CYTH3: variants seen among roughly 807,000 people sequenced by gnomAD.
The protein encoded by CYTH3 is cytohesin-3.
Under a neutral mutation model 55.1 loss-of-function variants are expected in CYTH3, and 23 were observed. The observed-to-expected ratio is 0.42, with a 90% CI of 0.30 to 0.59. The LOEUF is 0.59. Ranked by LOEUF, CYTH3 falls within the 20% of genes least tolerant of loss-of-function variation. The probability of loss-of-function intolerance (pLI) is 0.20; values close to 1 mark genes in which losing one functional copy is unlikely to be tolerated. For synonymous variants in CYTH3, 249 were observed against 194.9 expected, an observed-to-expected ratio of 1.28 and a Z score of -2.31; for missense variants, 413 against 524.8, an observed-to-expected ratio of 0.79 and a Z score of 2.08.
chr7:6,261,669 G>A (rs1313293925), intron 1 of CYTH3, among the ~76,000 whole-genome samples: 3 of 124,884 alleles, frequency 2.4e-5, no homozygotes, highest in Admixed American at 1.0e-4. Flanking sequence ...CAGCTTAGGC[G>A]ACAGAGTGAG....
chr7:6,238,907 A>G (rs1779598308), intron 1 of CYTH3, among the ~76,000 whole-genome samples: 1 of 152,100 alleles, frequency 6.6e-6, no homozygotes, highest in Non-Finnish European at 1.5e-5. Flanking sequence ...ACTCCAGGTT[A>G]AAAATAATAA....
chr7:6,268,753 A>G (rs1780574355), intron 1 of CYTH3, among the ~76,000 whole-genome samples: 1 of 152,248 alleles, frequency 6.6e-6, no homozygotes, highest in Non-Finnish European at 1.5e-5. Context: ...AAGCACCTGT[A>G]TCTATCAGGG....
intron 1 of CYTH3, among the ~76,000 whole-genome samples, chr7:6,247,351 T>C (rs1312081234): frequency 6.6e-6 from 1 of 152,204 alleles, no homozygotes; most frequent in Admixed American, 6.5e-5. Flanking sequence ...GGTACTCTCT[T>C]GCTCTTTCTT....
intron 1 of CYTH3, among the ~76,000 whole-genome samples, chr7:6,204,606 C>T (rs1355529655): frequency 6.6e-6 from 1 of 152,100 alleles, no homozygotes; most frequent in Non-Finnish European, 1.5e-5. Context: ...TTCTGTGGAC[C>T]CCATCACGGC....
chr7:6,198,401 TC>T (rs749606282), intron 1 of CYTH3, among the ~76,000 whole-genome samples: 4 of 148,754 alleles, frequency 2.7e-5, no homozygotes, highest in Non-Finnish European at 6.0e-5. Flanking sequence ...TCCCTCTGCA[TC>T]CAAAATAACT....
intron 1 of CYTH3, among the ~76,000 whole-genome samples, chr7:6,254,150 C>T (rs1242618803): frequency 6.6e-6 from 1 of 152,066 alleles, no homozygotes; most frequent in Non-Finnish European, 1.5e-5. Context: ...CACCACTGCA[C>T]TCCAGCCCTG....
intron 4 of CYTH3, among the ~76,000 whole-genome samples, chr7:6,185,532 T>TAA (rs368709212): frequency 1.3e-5 from 2 of 150,288 alleles, no homozygotes; most frequent in African/African-American, 4.9e-5. Context: ...CCGTCTCTAC[T>TAA]AAAAAAAAAT....
At chr7:6,250,452 C>A (rs1396995592) in intron 1 of CYTH3, among the ~76,000 whole-genome samples, 1 of 152,172 alleles carries the variant, frequency 6.6e-6, no homozygotes, top group Non-Finnish European at 1.5e-5. Flanking sequence ...TGACCACTCC[C>A]AACACTAAAA....
rs533947152 is a variant in CYTH3, at chr7:6,190,592, T to C, written c.35-61A>G. ...AACACATTGGCAACATCCAGCAAGG[T>C]TGAGGTGGGTACATGCTGCCACCCA... On this transcript the variant is annotated intron_variant, in intron 1 of 12. Transcript: ENST00000350796. 24 of 1,342,030 alleles carry C rather than the reference T, an allele frequency of 1.8e-5. No homozygotes were observed. In the African/African-American group the frequency reaches 2.4e-4, roughly 13 times the overall value. 83.1% of individuals were successfully genotyped at this position (1,342,030 alleles called of 1,614,324 possible).
At chr7:6,209,957 G>T (rs1014588103) in intron 1 of CYTH3, among the ~76,000 whole-genome samples, 1 of 152,174 alleles carries the variant, frequency 6.6e-6, no homozygotes, top group African/African-American at 2.4e-5. Flanking sequence ...GGTTCAGGGG[G>T]ACACGGACAG....
chr7:6,190,361 TACATTTTTGTGAGGCTACTCTTTTAC>T, intron 2 of CYTH3, 62 bp downstream of exon 2: 4 of 955,430 alleles, frequency 4.2e-6, no homozygotes, highest in South Asian at 2.1e-5. Context: ...TTTTTTTTTT[TACATTTTTGTGAGGCTACTCTTTTAC>T]TATTTTACTC....
chr7:6,259,693 T>G (rs556494571), intron 1 of CYTH3, among the ~76,000 whole-genome samples: 35 of 125,464 alleles, frequency 2.8e-4, no homozygotes, highest in Non-Finnish European at 4.6e-4. Flanking sequence ...CTCATTTAAA[T>G]GATTTACTAT....
intron 4 of CYTH3, 126 bp downstream of exon 4, chr7:6,186,923 CT>C: frequency 1.1e-6 from 1 of 942,256 alleles, no homozygotes. Flanking sequence ...AAAAATGTGC[CT>C]TCAACTCCCA....
chr7:6,187,616 A>G (rs1783687972), intron 3 of CYTH3, 41 bp downstream of exon 3: 1 of 1,558,142 alleles, frequency 6.4e-7, no homozygotes, highest in Admixed American at 1.7e-5. Flanking sequence ...AGGTAGAAAG[A>G]AAAGAGTAAA....
At chr7:6,203,844 G>A (rs113232726) in intron 1 of CYTH3, among the ~76,000 whole-genome samples, 3 of 151,378 alleles carry the variant, frequency 2.0e-5, no homozygotes, top group African/African-American at 4.9e-5. Context: ...TCAGCCTCCC[G>A]AGTAGCTGGG....
At chr7:6,200,368 T>TG (rs1476659872) in intron 1 of CYTH3, among the ~76,000 whole-genome samples, 1 of 152,148 alleles carries the variant, frequency 6.6e-6, no homozygotes, top group African/African-American at 2.4e-5. Context: ...TGGAGAAAGA[T>TG]GGAGTTTCAC....
chr7:6,165,860 G>T, intron 9 of CYTH3, 50 bp from the exon 10 acceptor site: 1 of 1,584,130 alleles, frequency 6.3e-7, no homozygotes, highest in East Asian at 2.2e-5. Flanking sequence ...CAGGGAGCCC[G>T]CGGGTCCAAG....
At chr7:6,213,410 C>A (rs1784363231) in intron 1 of CYTH3, among the ~76,000 whole-genome samples, 1 of 152,148 alleles carries the variant, frequency 6.6e-6, no homozygotes, top group Non-Finnish European at 1.5e-5. Context: ...AAGATTTCCA[C>A]AATTTTGTGT....
At position 6,243,217 on chromosome 7, in the gene CYTH3, C is replaced by T. The variant is rs542276819; in HGVS notation, c.34+29257G>A. On this transcript the variant is annotated intron_variant, in intron 1 of 12. Transcript: ENST00000350796. ...GGCTTCTCACCTCCAGGCATAAGAG[C>T]GCAAACTGCCCTTGGTAAGATGAGA... 2.0e-5 allele frequency among the ~76,000 whole-genome samples: 3 copies of T among 152,290 alleles called. No homozygotes were observed. The East Asian group carries it at 5.8e-4, about 29-fold the overall frequency.
Sources: allele counts gnomAD v4.1 joint callset (sites outside exome capture counted in the v4.1 genomes callset), GRCh38; gene constraint gnomAD v4.1.1; transcripts MANE v1.5; gene names NCBI Gene and HGNC (gene_info 2026-07-23, HGNC 2026-07-21).